DOK6: variants seen among roughly 807,000 people sequenced by gnomAD.
DOK6 encodes docking protein 6.
DOK6 carries 22 observed loss-of-function variants against 44.0 expected under a neutral mutation model. The observed-to-expected ratio is 0.50, with a 90% CI of 0.36 to 0.71. DOK6 has a LOEUF of 0.71. Ranked by LOEUF, DOK6 falls within the 30% of genes least tolerant of loss-of-function variation. DOK6 has a pLI of 0.00. For missense variants in DOK6, 340 were observed against 416.4 expected, an observed-to-expected ratio of 0.82 and a Z score of 1.60; for synonymous variants, 166 against 145.5, an observed-to-expected ratio of 1.14 and a Z score of -1.01.
intron 1 of DOK6, among the ~76,000 whole-genome samples, chr18:69,558,185 G>A (rs17775161): frequency 0.38 from 56,976 of 151,886 alleles, 11,873 homozygotes; most frequent in South Asian, 0.46. Flanking sequence ...TCTCACATAA[G>A]GCATCAGTTA....
At chr18:69,502,886 G>C (rs1400829273) in intron 1 of DOK6, among the ~76,000 whole-genome samples, 1 of 152,082 alleles carries the variant, frequency 6.6e-6, no homozygotes, top group Non-Finnish European at 1.5e-5. Context: ...ATAGGATAAG[G>C]ATATAGAAAG....
intron 5 of DOK6, among the ~76,000 whole-genome samples, chr18:69,712,878 C>T (rs1263169922): frequency 6.6e-6 from 1 of 152,152 alleles, no homozygotes; most frequent in Non-Finnish European, 1.5e-5. Flanking sequence ...TGGAAGCTCA[C>T]GTCTCCAAAA....
At chr18:69,627,024 T>C (rs1305182503) in intron 3 of DOK6, among the ~76,000 whole-genome samples, 3 of 152,078 alleles carry the variant, frequency 2.0e-5, no homozygotes, top group Non-Finnish European at 4.4e-5. Context: ...TGAGGGGAAG[T>C]TAAGACTCTT....
intron 1 of DOK6, among the ~76,000 whole-genome samples, chr18:69,443,897 T>A (rs569296079): frequency 6.6e-5 from 10 of 152,198 alleles, no homozygotes; most frequent in African/African-American, 2.2e-4. Context: ...TGTGCTCCCT[T>A]AACCTGCTGT....
intron 5 of DOK6, among the ~76,000 whole-genome samples, chr18:69,727,789 A>G (rs1381880885): frequency 6.6e-6 from 1 of 152,198 alleles, no homozygotes; most frequent in Non-Finnish European, 1.5e-5. Flanking sequence ...TTTGTTTCTT[A>G]TTGAATATTT....
At chr18:69,754,702 C>G (rs1025396231) in intron 6 of DOK6, among the ~76,000 whole-genome samples, 3 of 152,174 alleles carry the variant, frequency 2.0e-5, no homozygotes, top group Non-Finnish European at 2.9e-5. Flanking sequence ...TCCTTAATAG[C>G]CTTTTCTCTG....
Position 69,824,468 on chromosome 18 carries a change from T to C in DOK6, c.857-16776T>C, listed in dbSNP as rs116322677. ...AAGCAATCCTCCTGCGCTCAAGCAA[T>C]CCTCCTGCCTGAGCTTCCCAAGTAG... On this transcript the variant is annotated intron_variant, in intron 7 of 7. Transcript: ENST00000382713. Among the ~76,000 whole-genome samples the C allele has an allele frequency of 1.2e-3, 158 of 133,190 alleles. 1 individual carries two copies. In the East Asian group the frequency reaches 0.028, roughly 23 times the overall value. The allele number at this position is 133,190 out of a possible 152,430, so 87.4% of individuals were successfully genotyped here. A position where few individuals can be genotyped will look rare whatever the true frequency, so the allele number is the denominator to read the frequency against.
At chr18:69,527,604 C>A (rs1981866738) in intron 1 of DOK6, among the ~76,000 whole-genome samples, 1 of 152,140 alleles carries the variant, frequency 6.6e-6, no homozygotes, top group Non-Finnish European at 1.5e-5. Flanking sequence ...GGGACAGAGT[C>A]AAACCATAGC....
At chr18:69,630,306 T>A (rs1984660894) in intron 3 of DOK6, among the ~76,000 whole-genome samples, 1 of 152,208 alleles carries the variant, frequency 6.6e-6, no homozygotes, top group Non-Finnish European at 1.5e-5. Context: ...GATTATGGGT[T>A]TTCTGATTCC....
chr18:69,680,803 G>GTT (rs1340177586), intron 4 of DOK6, among the ~76,000 whole-genome samples: 8 of 152,130 alleles, frequency 5.3e-5, no homozygotes, highest in African/African-American at 1.4e-4. Context: ...CTCCCACCCA[G>GTT]TCCTTGGAGT....
At chr18:69,542,242 A>G (rs895749253) in intron 1 of DOK6, among the ~76,000 whole-genome samples, 1 of 151,366 alleles carries the variant, frequency 6.6e-6, no homozygotes, top group African/African-American at 2.4e-5. Flanking sequence ...ATAATTTAGT[A>G]TTATGCCAAA....
At chr18:69,631,352 AT>A (rs1984686396) in intron 3 of DOK6, among the ~76,000 whole-genome samples, 1 of 152,180 alleles carries the variant, frequency 6.6e-6, no homozygotes, top group Non-Finnish European at 1.5e-5. Context: ...AGCCAACAAA[AT>A]CCAGACAGTA....
intron 1 of DOK6, among the ~76,000 whole-genome samples, chr18:69,559,481 A>G (rs531824303): frequency 6.6e-6 from 1 of 152,274 alleles, no homozygotes; most frequent in African/African-American, 2.4e-5. Context: ...AAGATAAAAT[A>G]TTGATAATCT....
intron 7 of DOK6, among the ~76,000 whole-genome samples, chr18:69,781,911 AAAAG>A (rs1980279826): frequency 1.3e-5 from 2 of 152,170 alleles, no homozygotes; most frequent in South Asian, 4.1e-4. Context: ...ATTTTCTAGC[AAAAG>A]AGAGATTTCA....
intron 1 of DOK6, among the ~76,000 whole-genome samples, chr18:69,509,504 G>A (rs1050602483): frequency 5.3e-5 from 8 of 151,970 alleles, no homozygotes; most frequent in Admixed American, 6.6e-5. Flanking sequence ...CGGGCGTGGT[G>A]GCGGGCGCCT....
chr18:69,513,973 T>C (rs12458020), intron 1 of DOK6, among the ~76,000 whole-genome samples: 61,559 of 151,882 alleles, frequency 0.41, 13,484 homozygotes, highest in Non-Finnish European at 0.49. Context: ...TCTAGTTAGG[T>C]TTTATTTTAG....
At chr18:69,647,190 T>C (rs1372404489) in intron 3 of DOK6, among the ~76,000 whole-genome samples, 4 of 152,124 alleles carry the variant, frequency 2.6e-5, no homozygotes, top group Non-Finnish European at 5.9e-5. Flanking sequence ...TATCCATCCA[T>C]CTACCTATCT....
At chr18:69,458,226 T>A (rs1417350430) in intron 1 of DOK6, among the ~76,000 whole-genome samples, 1 of 152,198 alleles carries the variant, frequency 6.6e-6, no homozygotes, top group African/African-American at 2.4e-5. Context: ...ATTCCTGGGA[T>A]GCAAGGCTGG....
intron 3 of DOK6, among the ~76,000 whole-genome samples, chr18:69,622,888 A>G (rs894891030): frequency 2.6e-5 from 4 of 152,198 alleles, no homozygotes; most frequent in Non-Finnish European, 5.9e-5. Flanking sequence ...GCTTGTGTTT[A>G]CCAATACCAT....
Sources: gnomAD v4.1 joint callset for allele counts (sites outside exome capture counted in the v4.1 genomes callset) on GRCh38, gnomAD v4.1.1 for gene constraint, MANE v1.5 for transcripts, NCBI Gene and HGNC (gene_info 2026-07-23, HGNC 2026-07-21) for gene names.